The following CDC42BPA variants were observed in gnomAD, a reference collection of about 807,000 sequenced individuals.
CDC42BPA encodes the protein serine/threonine-protein kinase MRCK alpha.
A neutral mutation model predicts 223.5 loss-of-function variants in CDC42BPA; 80 were observed. The observed-to-expected ratio is 0.36, with a 90% confidence interval of 0.30 to 0.43. The LOEUF is 0.43. Among genes scored for constraint, CDC42BPA ranks in the 20% least tolerant of loss-of-function variants. The pLI is 1.00. For missense variants in CDC42BPA, 1,743 were observed against 2,099.9 expected, an observed-to-expected ratio of 0.83 and a Z score of 3.32; for synonymous variants, 694 against 718.6, an observed-to-expected ratio of 0.97 and a Z score of 0.55.
chr1:227,003,097 A>C (rs1214120029), intron 35 of CDC42BPA, among the ~76,000 whole-genome samples: 2 of 152,240 alleles, frequency 1.3e-5, no homozygotes, highest in African/African-American at 4.8e-5. Context: ...CCTGGGCACA[A>C]ATTGGGTGCC....
chr1:227,179,699 A>C (rs1031313486), intron 5 of CDC42BPA, among the ~76,000 whole-genome samples: 1 of 151,070 alleles, frequency 6.6e-6, no homozygotes, highest in Admixed American at 6.6e-5. Context: ...ATCTCACAAT[A>C]ATTTTTAATG....
intron 6 of CDC42BPA, among the ~76,000 whole-genome samples, chr1:227,148,242 C>T (rs1167865636): frequency 6.6e-6 from 1 of 151,952 alleles, no homozygotes; most frequent in East Asian, 1.9e-4. Context: ...ATCACTTGGG[C>T]CCAGGAGTTT....
intron 24 of CDC42BPA, among the ~76,000 whole-genome samples, chr1:227,039,856 A>C (rs909013875): frequency 3.4e-5 from 3 of 87,206 alleles, no homozygotes; most frequent in African/African-American, 1.3e-4. Context: ...TTAAAATTCA[A>C]TGAATTTTCT....
At chr1:227,275,810 G>T (rs563805401) in intron 1 of CDC42BPA, among the ~76,000 whole-genome samples, 2 of 152,208 alleles carry the variant, frequency 1.3e-5, no homozygotes, top group Non-Finnish European at 2.9e-5. Context: ...CGCCATGTTC[G>T]CCGGGCTGGT....
chr1:227,139,962 A>G (rs1482617015), intron 9 of CDC42BPA, among the ~76,000 whole-genome samples: 3 of 152,312 alleles, frequency 2.0e-5, no homozygotes, highest in African/African-American at 7.2e-5. Context: ...TTTTAGAAGC[A>G]TTTTAAAAAA....
chr1:227,201,159 T>C (rs1671688349), intron 3 of CDC42BPA, among the ~76,000 whole-genome samples: 1 of 152,164 alleles, frequency 6.6e-6, no homozygotes, highest in Admixed American at 6.5e-5. Context: ...TTTAACCTTT[T>C]TTTTTGAGAC....
chr1:227,264,074 T>C (rs2148396494), intron 1 of CDC42BPA, among the ~76,000 whole-genome samples: 1 of 152,346 alleles, frequency 6.6e-6, no homozygotes, highest in East Asian at 1.9e-4. Flanking sequence ...TTTTGTCTAT[T>C]CATGAAGACA....
At chr1:227,176,823 G>A (rs1250762031) in intron 5 of CDC42BPA, among the ~76,000 whole-genome samples, 1 of 151,950 alleles carries the variant, frequency 6.6e-6, no homozygotes, top group Non-Finnish European at 1.5e-5. Flanking sequence ...GATAACATTT[G>A]TACATGTCTT....
intron 3 of CDC42BPA, among the ~76,000 whole-genome samples, chr1:227,201,780 T>C (rs1179349295): frequency 6.6e-6 from 1 of 151,952 alleles, no homozygotes; most frequent in Non-Finnish European, 1.5e-5. Context: ...TAAGTTTTTT[T>C]TTTTTTTCAA....
chr1:227,275,584 T>TC (rs1210357389), intron 1 of CDC42BPA, among the ~76,000 whole-genome samples: 5 of 148,012 alleles, frequency 3.4e-5, no homozygotes, highest in African/African-American at 1.2e-4. Flanking sequence ...GAAAAAATGT[T>TC]CCCCCTCCCC....
chr1:227,170,238 A>C (rs1450225568), intron 5 of CDC42BPA, among the ~76,000 whole-genome samples: 6 of 152,050 alleles, frequency 3.9e-5, no homozygotes, highest in Non-Finnish European at 8.8e-5. Flanking sequence ...TCATGTTGTT[A>C]AGAAAGTCAA....
chr1:227,129,310 G>T, intron 10 of CDC42BPA, 79 bp from the exon 11 acceptor site: 1 of 1,045,542 alleles, frequency 9.6e-7, no homozygotes. Flanking sequence ...TTTTTTTGGA[G>T]AGAAATTCTT....
intron 34 of CDC42BPA, among the ~76,000 whole-genome samples, chr1:227,007,723 G>A (rs1262163478): frequency 1.3e-5 from 2 of 152,080 alleles, no homozygotes; most frequent in African/African-American, 4.8e-5. Context: ...AATACAATAG[G>A]GAAATTTATC....
chr1:227,313,954 AAT>A (rs1290694230), intron 1 of CDC42BPA, among the ~76,000 whole-genome samples: 1 of 151,688 alleles, frequency 6.6e-6, no homozygotes, highest in East Asian at 1.9e-4. Context: ...AAAGCATCAA[AAT>A]AGTTATCCAT....
chr1:227,006,830 G>C (rs754871354), intron 34 of CDC42BPA, among the ~76,000 whole-genome samples: 2 of 152,012 alleles, frequency 1.3e-5, no homozygotes, highest in Non-Finnish European at 2.9e-5. Context: ...CCAGCTACTC[G>C]GGAGTCTGAG....
chr1:227,060,796 A>T (rs1675763321), intron 21 of CDC42BPA, among the ~76,000 whole-genome samples: 2 of 133,006 alleles, frequency 1.5e-5, no homozygotes, highest in South Asian at 4.6e-4. Flanking sequence ...ATCTCGGCTC[A>T]CTGCAACCTC....
intron 16 of CDC42BPA, among the ~76,000 whole-genome samples, chr1:227,089,823 G>A (rs892554560): frequency 6.6e-6 from 1 of 151,854 alleles, no homozygotes; most frequent in African/African-American, 2.4e-5. Context: ...AGAAATGTAT[G>A]GCTAACAATG....
At chr1:227,165,303 T>C (rs927234906) in intron 5 of CDC42BPA, among the ~76,000 whole-genome samples, 2 of 152,170 alleles carry the variant, frequency 1.3e-5, no homozygotes, top group Non-Finnish European at 2.9e-5. Flanking sequence ...AGAACATACA[T>C]ATGATAAATA....
chr1:227,072,717 C>T (rs1268064745), intron 19 of CDC42BPA, among the ~76,000 whole-genome samples: 4 of 151,992 alleles, frequency 2.6e-5, no homozygotes, highest in Non-Finnish European at 5.9e-5. Flanking sequence ...CCATTACAGG[C>T]AACCATGAAA....
Sources: gnomAD v4.1 joint callset for allele counts (sites outside exome capture counted in the v4.1 genomes callset) on GRCh38, gnomAD v4.1.1 for gene constraint, MANE v1.5 for transcripts, NCBI Gene and HGNC (gene_info 2026-07-23, HGNC 2026-07-21) for gene names.